The following NGDN variants were observed in gnomAD, a reference collection of about 807,000 sequenced individuals.
The protein encoded by NGDN is EIF4E-binding protein.
Under a neutral mutation model 45.2 loss-of-function variants are expected in NGDN, and 41 were observed. The ratio of observed to expected loss-of-function variants is 0.91; its 90% CI spans 0.71 to 1.18. NGDN has a LOEUF of 1.18. NGDN is among the 50% of genes most tolerant of loss of function. NGDN has a pLI of 0.00. For missense variants in NGDN, 402 were observed against 399.9 expected (o/e 1.01, Z -0.05); for synonymous variants, 137 against 130.9 (o/e 1.05, Z -0.32).
At chr14:23,477,793 T>C in intron 10 of NGDN, 1 of 1,456,436 alleles carries the variant, frequency 6.9e-7, no homozygotes, top group Non-Finnish European at 9.0e-7. Context: ...CTGTTCAGGC[T>C]TCCCTAAATA....
At chr14:23,469,907 C>T (rs1211745402) in intron 1 of NGDN, 135 bp from the exon 2 acceptor site, 4 of 1,239,702 alleles carry the variant, frequency 3.2e-6, no homozygotes, top group Non-Finnish European at 4.6e-6. Flanking sequence ...TAAGGCGAGT[C>T]TGTGAACCCG....
At chr14:23,469,775 C>T (rs1454111787) in intron 1 of NGDN, 48 bp downstream of exon 1, 6 of 1,611,842 alleles carry the variant, frequency 3.7e-6, no homozygotes, top group Admixed American at 3.3e-5. Context: ...TGGAGTTGTC[C>T]TTTGCCTTCA....
intron 10 of NGDN, 54 bp downstream of exon 10, chr14:23,477,614 T>C (rs1893934361): frequency 6.2e-7 from 1 of 1,608,756 alleles, no homozygotes; most frequent in South Asian, 1.1e-5. Context: ...GAGTACAAAT[T>C]GAGTCTCTTT....
chr14:23,475,632 A>G lies in NGDN; in HGVS notation c.357A>G (p.Thr119=). The G allele has an allele frequency of 6.2e-7, 1 of 1,613,798 alleles. No homozygotes were observed. Residue 119 remains threonine (T), a synonymous_variant, in exon 5 of 11, where the codon ACA becomes ACG. Coordinates refer to ENST00000408901, the MANE Select transcript of NGDN (RefSeq NM_001042635.2). ...QIDKLIKTAV[T]GSLSENDPLR... is the part of the protein sequence containing the mutation. ...ACAAGCTGATCAAGACTGCAGTGAC[A>G]GGCAGCCTTAGTAAGTGAGGAGACC... is the stretch of plus-strand genomic sequence containing the variant.
At chr14:23,470,308 G>T in intron 2 of NGDN, 1 of 559,106 alleles carries the variant, frequency 1.8e-6, no homozygotes, top group Admixed American at 3.3e-5. Flanking sequence ...GAAATTATAT[G>T]AATAGTTTTC....
At chr14:23,469,753 G>T (rs572966109) in intron 1 of NGDN, 26 bp downstream of exon 1, 1 of 1,614,092 alleles carries the variant, frequency 6.2e-7, no homozygotes, top group African/African-American at 1.3e-5. Context: ...TTTCTTCCTC[G>T]CGTAGCTATT....
Position 23,473,683 on chromosome 14 carries a change from T to A in NGDN, c.145-1488T>A, listed in dbSNP as rs111873820. On this transcript the variant is annotated intron_variant, in intron 3 of 10. Transcript: ENST00000408901. ...CTTAAATCTTAAACAAAGATTTAAA[T>A]TTTTTTTAAATAAAAATGGACAGTA... is the stretch of plus-strand genomic sequence containing the variant. Among the ~76,000 whole-genome samples the A allele has an allele frequency of 1.1e-4, 16 of 152,158 alleles. No homozygotes were observed. In the South Asian group the frequency reaches 3.1e-3, roughly 30 times the overall value.
chr14:23,473,164 T>A (rs999029576), intron 3 of NGDN, among the ~76,000 whole-genome samples: 3 of 152,134 alleles, frequency 2.0e-5, no homozygotes, highest in Non-Finnish European at 2.9e-5. Context: ...CACTCCTGGC[T>A]AATTTTGTAT....
At position 23,470,987 on chromosome 14, in the gene NGDN, A is replaced by C; in HGVS notation, c.144+10A>C. ...CTATCCTACAGAAAAGGTAAGATGT[A>C]CTCAAACAGTAAGCATCCCCTGACT... is the stretch of plus-strand genomic sequence containing the variant. On this transcript the variant is annotated intron_variant, in intron 3 of 10. Coordinates refer to ENST00000408901, the MANE Select transcript of NGDN (RefSeq NM_001042635.2). 1 of 1,510,050 alleles carries C rather than the reference A, an allele frequency of 6.6e-7. No individual in the cohort carries two copies. Among genetic ancestry groups the C allele is most frequent in the Non-Finnish European group, 8.8e-7 (1 of 1,130,096 alleles). 93.5% of individuals were successfully genotyped at this position (1,510,050 alleles called of 1,614,324 possible).
downstream of NGDN, chr14:23,478,199 T>G: frequency 1.6e-6 from 1 of 612,864 alleles, no homozygotes; most frequent in Non-Finnish European, 2.7e-6. Flanking sequence ...GCACATGTAT[T>G]GTACGACTGG....
rs369717500 is a variant in NGDN at position 23,477,258 on chromosome 14, C to G, written c.772C>G (p.Arg258Gly). Residue 258 changes from arginine (R) to glycine (G), a missense_variant, in exon 9 of 11, where the codon CGG (arginine) becomes GGG (glycine). Transcript: ENST00000408901. Reference protein sequence around the residue: ...RLSVSKREKGRRKRANVMSSQ... With the variant: ...RLSVSKREKGGRKRANVMSSQ... ...GAGCGTCAGTAAGCGAGAGAAAGGA[C>G]GGCGAAAACGAGCAAATGTCATGAG... 6.2e-7 allele frequency: 1 copy of G among 1,613,976 alleles called. No individual in the cohort carries two copies. The highest frequency in any genetic ancestry group is 1.3e-5 in the African/African-American group (1 of 74,902).
intron 3 of NGDN, chr14:23,471,667 C>G (rs118188495): frequency 6.6e-6 from 1 of 152,086 alleles, no homozygotes; most frequent in African/African-American, 2.4e-5. Flanking sequence ...AAAAATTAGC[C>G]GGGCATGATG....
chr14:23,477,582 A>G, intron 10 of NGDN, 22 bp downstream of exon 10: 2 of 1,613,912 alleles, frequency 1.2e-6, no homozygotes, highest in Non-Finnish European at 1.7e-6. Flanking sequence ...GCTGGGACTT[A>G]GGTGATCAGG....
Position 23,478,173 on chromosome 14 carries a change from A to G in NGDN, c.*147A>G, listed in dbSNP as rs1306498377. The G allele has an allele frequency of 4.0e-6, 3 of 757,110 alleles. No individual in the cohort carries two copies. Among genetic ancestry groups the G allele is most frequent in the African/African-American group, 3.5e-5 (2 of 56,404 alleles). The allele number at this position is 757,110 out of a possible 1,614,324, so 46.9% of individuals were successfully genotyped here. On this transcript the variant is annotated 3_prime_UTR_variant, in exon 11 of 11. Transcript: ENST00000408901. ...CTAATAAAATTGATTTTGCTTATGAATTAAAGCCCCTTTTTGCACATGTAT... is the reference window on the plus strand; with the variant it reads ...CTAATAAAATTGATTTTGCTTATGAGTTAAAGCCCCTTTTTGCACATGTAT...
intron 2 of NGDN, among the ~76,000 whole-genome samples, chr14:23,470,523 T>G (rs574696846): frequency 5.3e-5 from 8 of 152,206 alleles, no homozygotes; most frequent in Non-Finnish European, 8.8e-5. Context: ...AAAAGGACGG[T>G]TTCTACCGAA....
intron 3 of NGDN, among the ~76,000 whole-genome samples, chr14:23,474,037 C>CAA (rs10713402): frequency 2.5e-3 from 221 of 88,712 alleles, no homozygotes; most frequent in African/African-American, 8.7e-3. Flanking sequence ...GACTCCATCT[C>CAA]AAAAAAAAAA....
intron 4 of NGDN, 112 bp from the exon 5 acceptor site, chr14:23,475,446 G>T: frequency 5.2e-6 from 7 of 1,353,186 alleles, no homozygotes; most frequent in Admixed American, 2.0e-5. Flanking sequence ...CTATTCATTT[G>T]CTCTACTTTG....
chr14:23,477,696 G>T, intron 10 of NGDN, 136 bp downstream of exon 10: 2 of 1,482,290 alleles, frequency 1.3e-6, no homozygotes, highest in Non-Finnish European at 1.8e-6. Context: ...TCCTTAGGTG[G>T]GCTTTTATTT....
intron 6 of NGDN, 25 bp downstream of exon 6, chr14:23,475,803 A>T (rs1464947610): frequency 6.2e-7 from 1 of 1,607,858 alleles, no homozygotes; most frequent in Non-Finnish European, 8.5e-7. Flanking sequence ...TATTCTCCTG[A>T]TTTTTTTCTG....
Sources: gnomAD v4.1 joint callset for allele counts (sites outside exome capture counted in the v4.1 genomes callset) on GRCh38, gnomAD v4.1.1 for gene constraint, MANE v1.5 for transcripts, NCBI Gene and HGNC (gene_info 2026-07-23, HGNC 2026-07-21) for gene names.